The following RALA variants were observed in gnomAD, a reference collection of about 807,000 sequenced individuals.
RALA encodes the protein ras-related protein Ral-A.
A neutral mutation model predicts 24.0 loss-of-function variants in RALA; 5 were observed. The observed-to-expected ratio is 0.21, with a 90% confidence interval of 0.11 to 0.44. The LOEUF is 0.44. Ranked by LOEUF, RALA falls within the 20% of genes least tolerant of loss-of-function variation. The pLI is 0.99. For synonymous variants in RALA, 77 were observed against 83.8 expected (o/e 0.92, Z 0.44); for missense variants, 95 against 241.2 (o/e 0.39, Z 4.01).
chr7:39,671,624 T>G (rs1412155776), intron 1 of RALA, among the ~76,000 whole-genome samples: 1 of 152,236 alleles, frequency 6.6e-6, no homozygotes, highest in East Asian at 1.9e-4. Context: ...CCCTTCATTA[T>G]GTTAAGATTC....
At chr7:39,668,319 T>C (rs1354792596) in intron 1 of RALA, among the ~76,000 whole-genome samples, 2 of 152,222 alleles carry the variant, frequency 1.3e-5, no homozygotes, top group East Asian at 3.8e-4. Context: ...TTATTAATTT[T>C]CCATTTCTTA....
At chr7:39,641,210 C>A (rs1791810468) in intron 1 of RALA, among the ~76,000 whole-genome samples, 1 of 152,074 alleles carries the variant, frequency 6.6e-6, no homozygotes, top group Non-Finnish European at 1.5e-5. Context: ...CATTTTTGCC[C>A]ATTTTTATGA....
chr7:39,630,361 A>G (rs1390088640), intron 1 of RALA, among the ~76,000 whole-genome samples: 2 of 151,894 alleles, frequency 1.3e-5, no homozygotes, highest in Non-Finnish European at 2.9e-5. Context: ...CAATTTGCCC[A>G]TTTTCTATAC....
At chr7:39,672,844 A>G (rs1427301304) in intron 1 of RALA, among the ~76,000 whole-genome samples, 1 of 152,178 alleles carries the variant, frequency 6.6e-6, no homozygotes, top group Non-Finnish European at 1.5e-5. Flanking sequence ...GACAAGAGGA[A>G]ACTTTTTGGG....
chr7:39,626,822 G>A (rs914858978), intron 1 of RALA, among the ~76,000 whole-genome samples: 1 of 152,156 alleles, frequency 6.6e-6, no homozygotes, highest in African/African-American at 2.4e-5. Context: ...ATGGAAATGG[G>A]GGAGAAGCTA....
At chr7:39,655,136 C>CT (rs1412444673) in intron 1 of RALA, among the ~76,000 whole-genome samples, 1 of 152,194 alleles carries the variant, frequency 6.6e-6, no homozygotes, top group Non-Finnish European at 1.5e-5. Context: ...ACTGAATTGC[C>CT]TTTTGCACCT....
In RALA at chr7:39,633,436, A is replaced by T. The variant is rs140287137; in HGVS notation, c.-38+9611A>T. On this transcript the variant is annotated intron_variant, in intron 1 of 4. Transcript: ENST00000005257. ...GAATTCATGAGAGTGAGCAGGAGCG[A>T]GCATGTGCATGCAAGAGCAGGAAAA... Among the ~76,000 whole-genome samples the T allele has an allele frequency of 7.7e-3, 1,171 of 152,326 alleles. 19 individuals are homozygous for T. Among genetic ancestry groups the T allele is most frequent in the African/African-American group, 0.027 (1,114 of 41,578 alleles).
At chr7:39,703,202 A>G (rs2115560074) in intron 4 of RALA, 1 of 152,374 alleles carries the variant, frequency 6.6e-6, no homozygotes, top group African/African-American at 2.4e-5. Context: ...CTGCATTAGA[A>G]AGCAATACTG....
chr7:39,631,325 G>A (rs1791595420), intron 1 of RALA, among the ~76,000 whole-genome samples: 1 of 151,670 alleles, frequency 6.6e-6, no homozygotes, highest in Non-Finnish European at 1.5e-5. Context: ...TGTTTTTATT[G>A]GGATCACATT....
In RALA at chr7:39,674,766, A is replaced by G. The variant is rs139677118; in HGVS notation, c.-37-11865A>G. On this transcript the variant is annotated intron_variant, in intron 1 of 4. Transcript: ENST00000005257. ...GGACCCAAGTCTAAACATGAAATGC[A>G]TTTATGTTTTATATACACTTTATAC... 4.5e-4 allele frequency among the ~76,000 whole-genome samples: 66 copies of G among 147,876 alleles called. No individual in the cohort carries two copies. In the East Asian group the frequency reaches 8.0e-3, roughly 18 times the overall value.
At chr7:39,681,915 T>G in intron 1 of RALA, among the ~76,000 whole-genome samples, 1 of 152,202 alleles carries the variant, frequency 6.6e-6, no homozygotes, top group East Asian at 1.9e-4. Flanking sequence ...TTCTCCATCT[T>G]AGGTATAGAT....
At chr7:39,629,529 C>T (rs1351107579) in intron 1 of RALA, among the ~76,000 whole-genome samples, 1 of 152,216 alleles carries the variant, frequency 6.6e-6, no homozygotes, top group African/African-American at 2.4e-5. Context: ...ATTCTCCTGC[C>T]TCAGCCTCCT....
intron 1 of RALA, among the ~76,000 whole-genome samples, chr7:39,678,091 C>T (rs1252758270): frequency 6.7e-6 from 1 of 149,476 alleles, no homozygotes; most frequent in East Asian, 2.0e-4. Context: ...ATACCTAATG[C>T]TAGATGACGC....
intron 1 of RALA, among the ~76,000 whole-genome samples, chr7:39,630,915 C>T (rs6948088): frequency 0.49 from 74,945 of 151,934 alleles, 18,885 homozygotes; most frequent in Non-Finnish European, 0.54. Context: ...CCCATTATAG[C>T]GCTTCCTCTT....
At chr7:39,647,540 G>A (rs945397904) in intron 1 of RALA, among the ~76,000 whole-genome samples, 1 of 152,184 alleles carries the variant, frequency 6.6e-6, no homozygotes. Flanking sequence ...CCAGCTTATT[G>A]TTGTGTGATC....
At chr7:39,642,366 C>T (rs765157530) in intron 1 of RALA, among the ~76,000 whole-genome samples, 26 of 152,258 alleles carry the variant, frequency 1.7e-4, no homozygotes, top group Non-Finnish European at 3.5e-4. Flanking sequence ...GATTTGTTTG[C>T]AGATTCCTCT....
At chr7:39,631,905 G>T (rs1791604371) in intron 1 of RALA, among the ~76,000 whole-genome samples, 1 of 152,166 alleles carries the variant, frequency 6.6e-6, no homozygotes, top group African/African-American at 2.4e-5. Context: ...GGCTGTACTG[G>T]CATGACACCA....
At chr7:39,626,800 G>A (rs1000444355) in intron 1 of RALA, among the ~76,000 whole-genome samples, 10 of 152,018 alleles carry the variant, frequency 6.6e-5, no homozygotes, top group Admixed American at 1.3e-4. Context: ...TTTTTAGTTC[G>A]TTCTTTCACT....
chr7:39,640,056 GT>G (rs1791757313), intron 1 of RALA, among the ~76,000 whole-genome samples: 1 of 151,254 alleles, frequency 6.6e-6, no homozygotes, highest in Non-Finnish European at 1.5e-5. Flanking sequence ...TTTTTGTTTT[GT>G]TTTGTTTTGA....
Sources: allele counts gnomAD v4.1 joint callset (sites outside exome capture counted in the v4.1 genomes callset), GRCh38; gene constraint gnomAD v4.1.1; transcripts MANE v1.5; gene names NCBI Gene and HGNC (gene_info 2026-07-23, HGNC 2026-07-21).